The following CSMD1 variants were observed in gnomAD, a reference collection of about 807,000 sequenced individuals.
CSMD1 encodes CUB and Sushi multiple domains 1, also known as CUB and sushi domain-containing protein 1.
Under a neutral mutation model 417.5 loss-of-function variants are expected in CSMD1, and 213 were observed. That is an observed-to-expected ratio of 0.51 (90% CI 0.46 to 0.57). CSMD1 has a LOEUF of 0.57. Ranked by LOEUF, CSMD1 falls within the 20% of genes least tolerant of loss-of-function variation. The pLI, the probability that CSMD1 is intolerant of heterozygous loss-of-function variation, is 0.00. For synonymous variants in CSMD1, 2,862 were observed against 1,736.8 expected, an observed-to-expected ratio of 1.65 and a Z score of -16.11; for missense variants, 6,923 against 4,529.7, an observed-to-expected ratio of 1.53 and a Z score of -15.17.
chr8:4,663,758 A>C (rs1804753009), intron 1 of CSMD1, among the ~76,000 whole-genome samples: 3 of 152,204 alleles, frequency 2.0e-5, no homozygotes, highest in African/African-American at 7.2e-5. Flanking sequence ...AGTTCTTTAA[A>C]GTAACGTGAG....
intron 5 of CSMD1, among the ~76,000 whole-genome samples, chr8:3,920,664 T>A (rs1584966855): frequency 1.3e-5 from 2 of 152,302 alleles, no homozygotes; most frequent in East Asian, 3.9e-4. Context: ...ACACATAATT[T>A]GTTGAGAGCT....
Position 3,199,761 on chromosome 8 carries a change from C to T in CSMD1, c.5147G>A (p.Ser1716Asn). The T allele has an allele frequency of 1.9e-6, 3 of 1,588,032 alleles. No individual in the cohort carries two copies. The highest frequency in any genetic ancestry group is 2.3e-5 in the East Asian group (1 of 43,826). ...ATSNQILLRFSAKSGASARGF... is the reference protein window; with the variant it reads ...ATSNQILLRFNAKSGASARGF... ...GCGGGCAGAGGCACCGCTCTTTGCACTGAATCGGAGCAGAATTTGATTTGA... is the reference window on the plus strand; with the variant it reads ...GCGGGCAGAGGCACCGCTCTTTGCATTGAATCGGAGCAGAATTTGATTTGA... The change falls in exon 33 of 70, where the codon AGT becomes AAT. Residue 1716 changes from serine (S) to asparagine (N), a missense_variant. Ser to Asn is a conservative substitution (Grantham distance 46). Coordinates refer to ENST00000635120, the MANE Select transcript of CSMD1 (RefSeq NM_033225.6).
rs969618406 is a variant in CSMD1 at position 3,940,895 on chromosome 8, C to T, written c.818+57008G>A. The stretch of plus-strand genomic sequence containing the variant: ...CCTTATGCCATCTCCCTTCTCCCCC[C>T]GAGATTATGTCTACATTTAAAATAT... On this transcript the variant is annotated intron_variant, in intron 5 of 69. Transcript: ENST00000635120. Among the ~76,000 whole-genome samples, 49 of 150,874 alleles carry T rather than the reference C, an allele frequency of 3.2e-4. 1 individual carries two copies. The highest frequency in any genetic ancestry group is 3.0e-5 in the Non-Finnish European group (2 of 67,674).
chr8:3,184,499 T>C (rs1369600007), intron 36 of CSMD1, among the ~76,000 whole-genome samples: 5 of 152,190 alleles, frequency 3.3e-5, no homozygotes, highest in Admixed American at 1.3e-4. Flanking sequence ...CTTATCACAT[T>C]CATCTCCTGC....
intron 4 of CSMD1, among the ~76,000 whole-genome samples, chr8:4,004,517 A>T (rs993387147): frequency 6.6e-6 from 1 of 152,068 alleles, no homozygotes; most frequent in Non-Finnish European, 1.5e-5. Context: ...ATTCAGCAAC[A>T]ATGAAAACAT....
chr8:4,461,385 G>A (rs898925740), intron 2 of CSMD1, among the ~76,000 whole-genome samples: 26 of 151,038 alleles, frequency 1.7e-4, no homozygotes, highest in African/African-American at 6.1e-4. Flanking sequence ...GAAATTTAAA[G>A]GCATAAAGAT....
intron 23 of CSMD1, among the ~76,000 whole-genome samples, chr8:3,317,958 G>A (rs1292147451): frequency 6.6e-6 from 1 of 152,072 alleles, no homozygotes; most frequent in Non-Finnish European, 1.5e-5. Context: ...CCACAGATGT[G>A]GGCCACCATG....
intron 10 of CSMD1, among the ~76,000 whole-genome samples, chr8:3,508,516 A>G (rs1796930453): frequency 6.7e-6 from 1 of 148,814 alleles, no homozygotes. Context: ...TAAAAAAAAA[A>G]GAAAAAATAG....
chr8:3,075,654 A>C (rs909001638), intron 49 of CSMD1, among the ~76,000 whole-genome samples: 1 of 152,032 alleles, frequency 6.6e-6, no homozygotes, highest in South Asian at 2.1e-4. Flanking sequence ...TAATAGCTTT[A>C]TATCAGTTTT....
At chr8:4,249,934 T>TG (rs1373199925) in intron 3 of CSMD1, among the ~76,000 whole-genome samples, 1 of 152,174 alleles carries the variant, frequency 6.6e-6, no homozygotes, top group African/African-American at 2.4e-5. Flanking sequence ...GTTTAGGTTA[T>TG]GAGGGCTTTG....
At chr8:3,474,172 C>A (rs1479769031) in intron 11 of CSMD1, among the ~76,000 whole-genome samples, 2 of 152,082 alleles carry the variant, frequency 1.3e-5, no homozygotes, top group Non-Finnish European at 2.9e-5. Context: ...AGGTTTTCTC[C>A]CACATCCCAA....
At position 3,981,019 on chromosome 8, in the gene CSMD1, A is replaced by G. The variant is rs193259740; in HGVS notation, c.818+16884T>C. Among the ~76,000 whole-genome samples the G allele has an allele frequency of 4.6e-5, 7 of 152,272 alleles. No homozygotes were observed. In the East Asian group the frequency reaches 1.4e-3, roughly 29 times the overall value. ...ACACCCAGAGGTTCTTCAAGGTTCAACTATCCTGTAGTAACCATGAATTTT... is the reference window on the plus strand; with the variant it reads ...ACACCCAGAGGTTCTTCAAGGTTCAGCTATCCTGTAGTAACCATGAATTTT... On this transcript the variant is annotated intron_variant, in intron 5 of 69. Coordinates refer to ENST00000635120, the MANE Select transcript of CSMD1 (RefSeq NM_033225.6).
At chr8:3,512,100 A>G (rs533469668) in intron 10 of CSMD1, among the ~76,000 whole-genome samples, 2 of 152,082 alleles carry the variant, frequency 1.3e-5, no homozygotes, top group Non-Finnish European at 2.9e-5. Context: ...TGACCTCCTC[A>G]TATTTCTCAT....
intron 5 of CSMD1, among the ~76,000 whole-genome samples, chr8:3,789,587 T>C (rs768177145): frequency 2.0e-5 from 3 of 151,880 alleles, no homozygotes; most frequent in Admixed American, 6.6e-5. Context: ...ATAAAGCTTA[T>C]ATGACTAGAG....
intron 11 of CSMD1, among the ~76,000 whole-genome samples, chr8:3,476,778 C>A (rs897919427): frequency 6.6e-6 from 1 of 151,916 alleles, no homozygotes; most frequent in Admixed American, 6.6e-5. Flanking sequence ...ATTAGCCAGG[C>A]TTGGTGGCAG....
intron 66 of CSMD1, 121 bp from the exon 67 acceptor site, chr8:2,950,464 C>A (rs1802554006): frequency 3.1e-6 from 2 of 651,056 alleles, no homozygotes; most frequent in Admixed American, 2.6e-5. Context: ...AAAACTCAAA[C>A]AGAAATTGTA....
intron 1 of CSMD1, among the ~76,000 whole-genome samples, chr8:4,693,711 G>A (rs767448307): frequency 2.0e-4 from 30 of 152,190 alleles, no homozygotes; most frequent in Non-Finnish European, 3.8e-4. Flanking sequence ...CGCTTCCCAG[G>A]CTGGAGTACA....
chr8:3,910,133 G>C (rs886344568), intron 5 of CSMD1, among the ~76,000 whole-genome samples: 2 of 152,198 alleles, frequency 1.3e-5, no homozygotes, highest in Non-Finnish European at 2.9e-5. Context: ...AACAGTGTGT[G>C]AGCTTTTCTT....
chr8:4,001,178 A>G (rs1421792221), intron 4 of CSMD1, among the ~76,000 whole-genome samples: 1 of 152,244 alleles, frequency 6.6e-6, no homozygotes, highest in Non-Finnish European at 1.5e-5. Context: ...TATAGAATAA[A>G]CATAGAATAC....
Sources: gnomAD v4.1 joint callset for allele counts (sites outside exome capture counted in the v4.1 genomes callset) on GRCh38, gnomAD v4.1.1 for gene constraint, MANE v1.5 for transcripts, NCBI Gene and HGNC (gene_info 2026-07-23, HGNC 2026-07-21) for gene names.